Variants in AKT3 observed in about 807,000 individuals in gnomAD.
AKT3 encodes the protein RAC-gamma serine/threonine-protein kinase.
AKT3 carries 15 observed loss-of-function variants against 65.3 expected under a neutral mutation model. The observed-to-expected ratio is 0.23, with a 90% CI of 0.15 to 0.35. The LOEUF is 0.35. Ranked by LOEUF, AKT3 falls within the 10% of genes least tolerant of loss-of-function variation. The pLI, the probability that AKT3 is intolerant of heterozygous loss-of-function variation, is 1.00. For missense variants in AKT3, 243 were observed against 576.5 expected, an observed-to-expected ratio of 0.42 and a Z score of 5.92; for synonymous variants, 206 against 183.8, an observed-to-expected ratio of 1.12 and a Z score of -0.98.
intron 2 of AKT3, among the ~76,000 whole-genome samples, chr1:243,835,824 T>C (rs886187490): frequency 6.6e-6 from 1 of 152,084 alleles, no homozygotes; most frequent in Non-Finnish European, 1.5e-5. Flanking sequence ...AAGAGAGGTA[T>C]TTTTTTAAAA....
At chr1:243,763,056 C>T (rs1689592210) in intron 2 of AKT3, among the ~76,000 whole-genome samples, 1 of 151,902 alleles carries the variant, frequency 6.6e-6, no homozygotes. Context: ...GCTTATTACT[C>T]TAATAAAGAA....
chr1:243,596,035 C>G (rs1676588554), intron 8 of AKT3, among the ~76,000 whole-genome samples: 1 of 152,202 alleles, frequency 6.6e-6, no homozygotes, highest in African/African-American at 2.4e-5. Flanking sequence ...TGCAGTATGA[C>G]TTACAACATT....
intron 8 of AKT3, among the ~76,000 whole-genome samples, chr1:243,586,625 A>G (rs1675832369): frequency 6.6e-6 from 1 of 152,232 alleles, no homozygotes; most frequent in South Asian, 2.1e-4. Flanking sequence ...TAACACAGGA[A>G]CAGAAAACCA....
intron 7 of AKT3, 66 bp downstream of exon 7, chr1:243,615,029 AT>A: frequency 8.5e-7 from 1 of 1,171,784 alleles, no homozygotes; most frequent in South Asian, 1.4e-5. Context: ...TCACAATTTA[AT>A]TTCTAACATA....
intron 6 of AKT3, among the ~76,000 whole-genome samples, chr1:243,632,229 C>T (rs879572309): frequency 1.4e-4 from 22 of 152,136 alleles, no homozygotes; most frequent in Non-Finnish European, 1.6e-4. Flanking sequence ...AATAATAAGA[C>T]TTGAAAGTTG....
chr1:243,781,138 T>C (rs1252037330), intron 2 of AKT3, among the ~76,000 whole-genome samples: 1 of 152,094 alleles, frequency 6.6e-6, no homozygotes, highest in African/African-American at 2.4e-5. Flanking sequence ...ATTATGTATA[T>C]ATAATTTTCT....
chr1:243,626,942 C>G (rs1180241006), intron 6 of AKT3, among the ~76,000 whole-genome samples: 1 of 152,164 alleles, frequency 6.6e-6, no homozygotes, highest in African/African-American at 2.4e-5. Flanking sequence ...AAATGAGAAT[C>G]TGTGCAACTT....
chr1:243,703,595 CTAAAAAT>C (rs1685601898), intron 2 of AKT3, among the ~76,000 whole-genome samples: 2 of 151,756 alleles, frequency 1.3e-5, no homozygotes, highest in Non-Finnish European at 2.9e-5. Context: ...ACCGTCTCTA[CTAAAAAT>C]ATAAAAATTA....
chr1:243,567,658 G>A (rs988964600), intron 9 of AKT3, among the ~76,000 whole-genome samples: 4 of 151,874 alleles, frequency 2.6e-5, no homozygotes, highest in African/African-American at 9.7e-5. Context: ...TTGAAGTAGT[G>A]TCCACATTCT....
intron 6 of AKT3, among the ~76,000 whole-genome samples, chr1:243,634,898 G>C (rs577813131): frequency 6.6e-6 from 1 of 151,940 alleles, no homozygotes; most frequent in African/African-American, 2.4e-5. Flanking sequence ...ACAACAACCA[G>C]AAAGAAAGAA....
chr1:243,533,766 G>A (rs777410120), intron 12 of AKT3, among the ~76,000 whole-genome samples: 8 of 152,198 alleles, frequency 5.3e-5, no homozygotes, highest in Non-Finnish European at 1.0e-4. Context: ...TGAGGTGGGC[G>A]GATCACGAGG....
chr1:243,601,074 C>A (rs1161554204), intron 8 of AKT3, among the ~76,000 whole-genome samples: 1 of 152,056 alleles, frequency 6.6e-6, no homozygotes, highest in Non-Finnish European at 1.5e-5. Flanking sequence ...ATTAATTTTA[C>A]TGAATGCTAA....
intron 4 of AKT3, among the ~76,000 whole-genome samples, chr1:243,662,269 T>C (rs911879229): frequency 6.6e-6 from 1 of 151,940 alleles, no homozygotes; most frequent in African/African-American, 2.4e-5. Context: ...ATGTTTATTG[T>C]GGCACTATTC....
intron 2 of AKT3, among the ~76,000 whole-genome samples, chr1:243,698,587 G>A (rs559290266): frequency 6.6e-6 from 1 of 151,892 alleles, no homozygotes; most frequent in East Asian, 1.9e-4. Context: ...TTGCCAAAAA[G>A]CTATTTAAAA....
At chr1:243,572,870 T>C in intron 9 of AKT3, 56 bp downstream of exon 9, 1 of 1,493,340 alleles carries the variant, frequency 6.7e-7, no homozygotes, top group Non-Finnish European at 9.0e-7. Context: ...TTACTTTATG[T>C]TTGTCCCTAT....
intron 5 of AKT3, 56 bp from the exon 6 acceptor site, chr1:243,637,798 T>A: frequency 4.6e-6 from 6 of 1,290,966 alleles, no homozygotes; most frequent in Non-Finnish European, 6.4e-6. Context: ...ATTTATTTGT[T>A]AGCATATATA....
At chr1:243,760,414 C>T (rs1378825237) in intron 2 of AKT3, among the ~76,000 whole-genome samples, 1 of 151,174 alleles carries the variant, frequency 6.6e-6, no homozygotes, top group East Asian at 1.9e-4. Flanking sequence ...ATGGGAGCCA[C>T]CATGCCCAAC....
intron 12 of AKT3, among the ~76,000 whole-genome samples, chr1:243,540,598 T>C (rs1014266444): frequency 1.1e-4 from 16 of 152,130 alleles, no homozygotes; most frequent in Non-Finnish European, 1.9e-4. Context: ...AGCCATAGTA[T>C]GAATATCAAA....
chr1:243,754,524 C>T (rs940061720), intron 2 of AKT3, among the ~76,000 whole-genome samples: 2 of 152,088 alleles, frequency 1.3e-5, no homozygotes, highest in Non-Finnish European at 2.9e-5. Flanking sequence ...CCCTGGGCCG[C>T]GGATGGTGGC....
Sources: gnomAD v4.1 joint callset for allele counts (sites outside exome capture counted in the v4.1 genomes callset) on GRCh38, gnomAD v4.1.1 for gene constraint, MANE v1.5 for transcripts, NCBI Gene and HGNC (gene_info 2026-07-23, HGNC 2026-07-21) for gene names.